The following MCTP1 variants were observed in gnomAD, a reference collection of about 807,000 sequenced individuals.
The protein encoded by MCTP1 is multiple C2 and transmembrane domain-containing protein 1.
Under a neutral mutation model 120.6 loss-of-function variants are expected in MCTP1, and 69 were observed. That is an observed-to-expected ratio of 0.57 (90% CI 0.47 to 0.70). The LOEUF (loss-of-function observed/expected upper bound fraction) is 0.70. Among genes scored for constraint, MCTP1 ranks in the 30% least tolerant of loss-of-function variants. The pLI, the probability that MCTP1 is intolerant of heterozygous loss-of-function variation, is 0.00. For missense variants in MCTP1, 1,203 were observed against 1,248.8 expected, an observed-to-expected ratio of 0.96 and a Z score of 0.55; for synonymous variants, 529 against 493.1, an observed-to-expected ratio of 1.07 and a Z score of -0.96.
chr5:95,232,158 TA>T (rs35731165), intron 1 of MCTP1, among the ~76,000 whole-genome samples: 8,553 of 66,960 alleles, frequency 0.13, 306 homozygotes, highest in African/African-American at 0.18. Context: ...AAGTGATCAC[TA>T]AAAAAAAAAA....
chr5:95,150,699 G>A (rs1045315787), intron 1 of MCTP1, among the ~76,000 whole-genome samples: 2 of 152,024 alleles, frequency 1.3e-5, no homozygotes, highest in African/African-American at 4.8e-5. Flanking sequence ...AAGAACACTC[G>A]AGTTCAACTA....
At chr5:94,755,637 T>C (rs1490415938) in intron 19 of MCTP1, among the ~76,000 whole-genome samples, 1 of 152,218 alleles carries the variant, frequency 6.6e-6, no homozygotes, top group African/African-American at 2.4e-5. Flanking sequence ...ACATGTGGTT[T>C]CCATGCTTGG....
chr5:94,949,552 A>AT (rs1274273305), intron 3 of MCTP1, among the ~76,000 whole-genome samples: 1 of 151,536 alleles, frequency 6.6e-6, no homozygotes, highest in East Asian at 1.9e-4. Context: ...CAGTTCCAAG[A>AT]TTTTTTTAAA....
rs1741819909 is a variant in MCTP1 at position 95,131,024 on chromosome 5, A to T, written c.721-113540T>A. Reference sequence around the variant, plus strand: ...AACAAAGTTAATCTAACCCATGCTTAAAAATTAGGTGGTTCACAGTATTCA... The same window carrying T: ...AACAAAGTTAATCTAACCCATGCTTTAAAATTAGGTGGTTCACAGTATTCA... On this transcript the variant is annotated intron_variant, in intron 1 of 22. Coordinates refer to ENST00000515393, the MANE Select transcript of MCTP1 (RefSeq NM_024717.7). Among the ~76,000 whole-genome samples the T allele has an allele frequency of 1.3e-5, 2 of 152,162 alleles. 1 individual carries two copies. Among genetic ancestry groups the T allele is most frequent in the African/African-American group, 4.8e-5 (2 of 41,424 alleles).
chr5:94,875,894 A>G (rs1403617004), intron 12 of MCTP1, among the ~76,000 whole-genome samples: 1 of 152,090 alleles, frequency 6.6e-6, no homozygotes, highest in Admixed American at 6.6e-5. Context: ...TCCTTTTAAA[A>G]AGTTCTCTTT....
chr5:95,195,291 G>C (rs1021884813), intron 1 of MCTP1, among the ~76,000 whole-genome samples: 1 of 152,148 alleles, frequency 6.6e-6, no homozygotes, highest in Non-Finnish European at 1.5e-5. Flanking sequence ...ATTTTGATAC[G>C]CCATATCTGC....
intron 1 of MCTP1, among the ~76,000 whole-genome samples, chr5:95,025,037 A>G (rs914502206): frequency 5.3e-5 from 8 of 152,186 alleles, no homozygotes; most frequent in African/African-American, 1.4e-4. Flanking sequence ...CATAATTTCA[A>G]TGACGTTATT....
chr5:95,239,058 A>T (rs983755764), intron 1 of MCTP1, among the ~76,000 whole-genome samples: 1 of 152,170 alleles, frequency 6.6e-6, no homozygotes, highest in Non-Finnish European at 1.5e-5. Context: ...GATTTTCTCA[A>T]AAAGGGGAGA....
At chr5:94,800,326 G>C (rs763315790) in intron 17 of MCTP1, among the ~76,000 whole-genome samples, 3 of 152,152 alleles carry the variant, frequency 2.0e-5, no homozygotes, top group Non-Finnish European at 4.4e-5. Context: ...AGATTTAGCT[G>C]AACCATAGCG....
intron 1 of MCTP1, among the ~76,000 whole-genome samples, chr5:95,116,815 A>T (rs1171022966): frequency 1.3e-5 from 2 of 152,064 alleles, no homozygotes; most frequent in South Asian, 4.1e-4. Context: ...ATGGGAATTC[A>T]TTTATGACTT....
intron 2 of MCTP1, among the ~76,000 whole-genome samples, chr5:95,011,010 G>C (rs1275010064): frequency 1.3e-5 from 2 of 152,132 alleles, no homozygotes; most frequent in Non-Finnish European, 2.9e-5. Context: ...CAGAAATGAC[G>C]TGCTGTTTTC....
At chr5:95,116,246 C>G (rs1055849511) in intron 1 of MCTP1, among the ~76,000 whole-genome samples, 1 of 151,912 alleles carries the variant, frequency 6.6e-6, no homozygotes, top group Non-Finnish European at 1.5e-5. Context: ...GTAAGTGCAC[C>G]GAAAAACACA....
At chr5:94,852,229 C>T (rs1222650136) in intron 17 of MCTP1, among the ~76,000 whole-genome samples, 2 of 151,840 alleles carry the variant, frequency 1.3e-5, no homozygotes, top group East Asian at 3.9e-4. Context: ...TGTTACTTTT[C>T]CAATGGATTC....
At chr5:94,899,966 C>G (rs1245169793) in intron 10 of MCTP1, among the ~76,000 whole-genome samples, 1 of 152,192 alleles carries the variant, frequency 6.6e-6, no homozygotes, top group Non-Finnish European at 1.5e-5. Flanking sequence ...AAAACCATTG[C>G]TACAGTCCAA....
intron 1 of MCTP1, among the ~76,000 whole-genome samples, chr5:95,176,893 C>G (rs1352304891): frequency 2.0e-5 from 3 of 151,374 alleles, no homozygotes; most frequent in Non-Finnish European, 4.4e-5. Flanking sequence ...GAGACAGAGT[C>G]TTGCTCTGTC....
intron 9 of MCTP1, among the ~76,000 whole-genome samples, chr5:94,910,204 A>ATGCATG (rs1561843412): frequency 6.6e-6 from 1 of 151,464 alleles, no homozygotes; most frequent in Admixed American, 6.6e-5. Context: ...ATATATGTAT[A>ATGCATG]TATACATATA....
At chr5:95,142,792 GA>G (rs1184581975) in intron 1 of MCTP1, among the ~76,000 whole-genome samples, 1 of 152,100 alleles carries the variant, frequency 6.6e-6, no homozygotes, top group Non-Finnish European at 1.5e-5. Flanking sequence ...TAGATAGCAT[GA>G]AACCTTGATT....
intron 1 of MCTP1, among the ~76,000 whole-genome samples, chr5:95,160,741 CAAAT>C (rs1200489704): frequency 7.4e-5 from 11 of 149,542 alleles, no homozygotes; most frequent in Non-Finnish European, 1.6e-4. Context: ...TATAGGAACT[CAAAT>C]AACTCAATAG....
chr5:94,941,769 G>C (rs542924850), intron 4 of MCTP1, among the ~76,000 whole-genome samples: 15 of 151,576 alleles, frequency 9.9e-5, no homozygotes, highest in Non-Finnish European at 2.1e-4. Flanking sequence ...TTAGGTGTAA[G>C]GAATGATTAA....
Sources: gnomAD v4.1 joint callset for allele counts (sites outside exome capture counted in the v4.1 genomes callset) on GRCh38, gnomAD v4.1.1 for gene constraint, MANE v1.5 for transcripts, NCBI Gene and HGNC (gene_info 2026-07-23, HGNC 2026-07-21) for gene names.